The following EXOSC10 variants were observed in gnomAD, a reference collection of about 807,000 sequenced individuals.
EXOSC10 encodes exosome complex component 10.
A neutral mutation model predicts 126.6 loss-of-function variants in EXOSC10; 94 were observed. The ratio of observed to expected loss-of-function variants is 0.74; its 90% confidence interval spans 0.63 to 0.88. EXOSC10 has a LOEUF of 0.88. Ranked by LOEUF, EXOSC10 falls within the 40% of genes least tolerant of loss-of-function variation. The pLI is 0.00. For missense variants in EXOSC10, 1,041 were observed against 1,100.5 expected (o/e 0.95, Z 0.77); for synonymous variants, 395 against 400.8 (o/e 0.99, Z 0.17).
intron 24 of EXOSC10, 54 bp downstream of exon 24, chr1:11,067,953 AG>A: frequency 6.6e-7 from 1 of 1,506,102 alleles, no homozygotes; most frequent in Non-Finnish European, 9.2e-7. Context: ...CACACCACGC[AG>A]GGCAGGTGCT....
intron 18 of EXOSC10, 72 bp from the exon 19 acceptor site, chr1:11,074,080 G>T: frequency 6.7e-7 from 1 of 1,481,580 alleles, no homozygotes; most frequent in African/African-American, 1.4e-5. Flanking sequence ...GAAGCGCTCA[G>T]ATGGGGGGTT....
intron 17 of EXOSC10, among the ~76,000 whole-genome samples, chr1:11,076,584 C>T (rs186263031): frequency 2.0e-5 from 3 of 152,334 alleles, no homozygotes; most frequent in African/African-American, 7.2e-5. Flanking sequence ...TGTTCAACAA[C>T]AGGACGTCAG....
rs115823626 is a variant in EXOSC10, at chr1:11,091,311, T to C, written c.478-132A>G. On this transcript the variant is annotated intron_variant, in intron 4 of 24. Transcript: ENST00000376936. ...TCATTCATTTAAGAATGTATGTGCA[T>C]GTAGAGGTCTCCAGAAAGAGAAGAA... 1,284 of 991,840 alleles carry C rather than the reference T, an allele frequency of 1.3e-3. 11 individuals are homozygous for C. In the African/African-American group the frequency reaches 0.019, roughly 15 times the overall value. The allele number at this position is 991,840 out of a possible 1,614,324, so 61.4% of individuals were successfully genotyped here.
intron 7 of EXOSC10, 51 bp from the exon 8 acceptor site, chr1:11,087,961 C>A: frequency 7.6e-7 from 1 of 1,307,246 alleles, no homozygotes; most frequent in African/African-American, 1.5e-5. Flanking sequence ...AATCATCCCC[C>A]AGTAAAGTAC....
chr1:11,087,957 C>A (rs780986970), intron 7 of EXOSC10, 47 bp from the exon 8 acceptor site: 4 of 1,345,356 alleles, frequency 3.0e-6, no homozygotes, highest in Non-Finnish European at 4.2e-6. Context: ...TAGAAATCAT[C>A]CCCCAGTAAA....
intron 9 of EXOSC10, among the ~76,000 whole-genome samples, chr1:11,085,911 G>A (rs535870032): frequency 6.0e-4 from 92 of 152,228 alleles, no homozygotes; most frequent in Non-Finnish European, 8.1e-4. Context: ...CTGTTTATAC[G>A]CTGCATTACA....
At chr1:11,083,393 C>T (rs1004161681) in intron 9 of EXOSC10, among the ~76,000 whole-genome samples, 7 of 151,892 alleles carry the variant, frequency 4.6e-5, no homozygotes, top group Non-Finnish European at 8.8e-5. Context: ...AAAACCCTGT[C>T]TCTACTAAAA....
Position 11,079,772 on chromosome 1 carries a change from C to T in EXOSC10, c.1688G>A (p.Arg563Gln), listed in dbSNP as rs748531214. ...AAGGTGCATTTCGTTGATCTGCTGC[C>T]GCACAAGGGGCGGTACTGGGTTGCA... ...ACCNPVPPLVRQQINEMHLLI... is the reference protein window; with the variant it reads ...ACCNPVPPLVQQQINEMHLLI... Residue 563 changes from arginine to glutamine, a missense_variant, in exon 14 of 25, where the codon CGG becomes CAG. This residue lies in a region of EXOSC10 where 388 missense variants were observed against 415.2 expected (regional missense o/e 0.93). Coordinates refer to ENST00000376936, the MANE Select transcript of EXOSC10 (RefSeq NM_001001998.3). The T allele has an allele frequency of 5.0e-6, 8 of 1,613,878 alleles. No individual in the cohort carries two copies. The East Asian group carries it at 6.7e-5, about 13-fold the overall frequency.
chr1:11,085,214 T>C (rs1014397874), intron 9 of EXOSC10, among the ~76,000 whole-genome samples: 7 of 152,218 alleles, frequency 4.6e-5, no homozygotes, highest in African/African-American at 1.7e-4. Flanking sequence ...CAAATTACCT[T>C]GGACAGTATG....
Position 11,087,539 on chromosome 1 carries a change from G to A in EXOSC10, c.998C>T (p.Thr333Ile). 6.2e-7 allele frequency: 1 copy of A among 1,614,110 alleles called. No homozygotes were observed. The highest frequency in any genetic ancestry group is 8.5e-7 in the Non-Finnish European group (1 of 1,180,028). Reference protein sequence around the residue: ...LGLTCLMQISTRTEDFIIDTL... With the variant: ...LGLTCLMQISIRTEDFIIDTL... Reference sequence around the variant, plus strand: ...GTCAATGATGAAGTCTTCCGTCCGAGTAGAAATTTGCATCAGGCAGGTCAG... The same window carrying A: ...GTCAATGATGAAGTCTTCCGTCCGAATAGAAATTTGCATCAGGCAGGTCAG... Residue 333 changes from threonine (T) to isoleucine (I), a missense_variant, in exon 9 of 25, where the codon ACT (threonine) becomes ATT (isoleucine). Thr to Ile is a moderately conservative substitution (Grantham distance 89). Coordinates refer to ENST00000376936, the MANE Select transcript of EXOSC10 (RefSeq NM_001001998.3).
intron 6 of EXOSC10, among the ~76,000 whole-genome samples, chr1:11,089,275 A>G (rs1640667283): frequency 6.6e-6 from 1 of 151,482 alleles, no homozygotes; most frequent in African/African-American, 2.4e-5. Flanking sequence ...GAATCCTAAT[A>G]AGAAAGGCAG....
intron 24 of EXOSC10, among the ~76,000 whole-genome samples, chr1:11,067,674 T>A (rs1361071212): frequency 6.6e-6 from 1 of 152,148 alleles, no homozygotes; most frequent in African/African-American, 2.4e-5. Context: ...TTTTTCCTCA[T>A]TCCTAATAGG....
intron 13 of EXOSC10, 30 bp downstream of exon 13, chr1:11,080,469 C>T: frequency 6.2e-7 from 1 of 1,612,432 alleles, no homozygotes; most frequent in Non-Finnish European, 8.5e-7. Flanking sequence ...CTGAGAAAGT[C>T]AGAACATATT....
chr1:11,097,222 A>G (rs373716215), intron 2 of EXOSC10, among the ~76,000 whole-genome samples: 1 of 150,902 alleles, frequency 6.6e-6, no homozygotes, highest in Non-Finnish European at 1.5e-5. Context: ...CCCCCAACAA[A>G]AAAAAAAAAG....
At chr1:11,084,276 T>C (rs1570828352) in intron 9 of EXOSC10, among the ~76,000 whole-genome samples, 1 of 152,156 alleles carries the variant, frequency 6.6e-6, no homozygotes, top group African/African-American at 2.4e-5. Context: ...TCTCCACATC[T>C]TCTCCAGCAC....
chr1:11,072,398 T>C, intron 19 of EXOSC10: 1 of 465,720 alleles, frequency 2.1e-6, no homozygotes, highest in South Asian at 2.4e-5. Flanking sequence ...GGGCCATCCA[T>C]CATCTCATTC....
At position 11,088,109 on chromosome 1, in the gene EXOSC10, G is replaced by A. The variant is rs757229583; in HGVS notation, c.834+14C>T. On this transcript the variant is annotated intron_variant, in intron 7 of 24. Coordinates refer to ENST00000376936, the MANE Select transcript of EXOSC10 (RefSeq NM_001001998.3). ...CTACTACACGGCACCTTTAAACTAA[G>A]GCTGGGTACTAACCTGGGGTTGTGG... 6.2e-6 allele frequency: 10 copies of A among 1,605,762 alleles called. No individual in the cohort carries two copies. Among genetic ancestry groups the A allele is most frequent in the Non-Finnish European group, 7.7e-6 (9 of 1,174,328 alleles).
At chr1:11,094,790 G>A (rs1042082364) in intron 3 of EXOSC10, among the ~76,000 whole-genome samples, 4 of 151,740 alleles carry the variant, frequency 2.6e-5, no homozygotes, top group African/African-American at 4.8e-5. Context: ...TAGTAGAGAC[G>A]GGGTTTCACC....
chr1:11,068,870 A>G, intron 22 of EXOSC10, 164 bp from the exon 23 acceptor site: 2 of 639,980 alleles, frequency 3.1e-6, no homozygotes, highest in Non-Finnish European at 5.6e-6. Context: ...AAATGAATAC[A>G]TAGCGATCCT....
Sources: gnomAD v4.1 joint callset for allele counts (sites outside exome capture counted in the v4.1 genomes callset) on GRCh38, gnomAD v4.1.1 for gene constraint, gnomAD v4.1.1 regional missense constraint, MANE v1.5 for transcripts, NCBI Gene and HGNC (gene_info 2026-07-23, HGNC 2026-07-21) for gene names.